TRPM3: variants seen among roughly 807,000 people sequenced by gnomAD.
TRPM3 encodes the protein transient receptor potential cation channel subfamily M member 3.
Under a neutral mutation model 181.2 loss-of-function variants are expected in TRPM3, and 77 were observed. The observed-to-expected ratio is 0.42, with a 90% CI of 0.35 to 0.51. TRPM3 has a LOEUF of 0.51. Among genes scored for constraint, TRPM3 ranks in the 20% least tolerant of loss-of-function variants. The pLI is 0.01. For synonymous variants in TRPM3, 745 were observed against 796.4 expected, an observed-to-expected ratio of 0.94 and a Z score of 1.09; for missense variants, 1,759 against 2,196.7, an observed-to-expected ratio of 0.80 and a Z score of 3.98.
At chr9:71,173,100 C>T (rs2076944218) in intron 1 of TRPM3, among the ~76,000 whole-genome samples, 1 of 152,128 alleles carries the variant, frequency 6.6e-6, no homozygotes, top group South Asian at 2.1e-4. Flanking sequence ...TCAATGATGC[C>T]TTATGTACCT....
chr9:70,636,153 C>T, intron 11 of TRPM3, among the ~76,000 whole-genome samples: 1 of 152,092 alleles, frequency 6.6e-6, no homozygotes, highest in East Asian at 1.9e-4. Context: ...AGCCATAGAT[C>T]ATATGTAACA....
At chr9:70,572,183 T>A (rs10435958) in intron 22 of TRPM3, among the ~76,000 whole-genome samples, 78,846 of 151,908 alleles carry the variant, frequency 0.52, 20,993 homozygotes, top group East Asian at 0.67. Context: ...AAATTCCTTA[T>A]GTTCAAATGT....
At chr9:71,382,136 T>C (rs535700739) in intron 1 of TRPM3, among the ~76,000 whole-genome samples, 1 of 152,280 alleles carries the variant, frequency 6.6e-6, no homozygotes, top group African/African-American at 2.4e-5. Flanking sequence ...TTTCTAGCAT[T>C]ATTAGCTATA....
chr9:71,418,615 G>A (rs1047232763), intron 1 of TRPM3, among the ~76,000 whole-genome samples: 1 of 151,462 alleles, frequency 6.6e-6, no homozygotes, highest in Non-Finnish European at 1.5e-5. Context: ...GAGCAGTCAG[G>A]AAATAATCAA....
intron 3 of TRPM3, 113 bp downstream of exon 3, chr9:70,862,795 G>C: frequency 9.6e-7 from 1 of 1,040,084 alleles, no homozygotes; most frequent in Non-Finnish European, 1.5e-6. Flanking sequence ...TCATCAGACA[G>C]TGGCAGAGTG....
In TRPM3 at chr9:70,681,712, T is replaced by TA. The variant is rs557001639; in HGVS notation, c.1273-135dup. On this transcript the variant is annotated intron_variant, in intron 8 of 25. Transcript: ENST00000677713. ...TTCTTAACCACAGGGTAAGCACACA[T>TA]AACAAGAATCCGATGAGAGAGCTCT... is the stretch of plus-strand genomic sequence containing the variant. 597 of 746,892 alleles carry TA rather than the reference T, an allele frequency of 8.0e-4. 9 individuals carry two copies. In the East Asian group the frequency reaches 0.015, roughly 18 times the overall value. 46.3% of individuals were successfully genotyped at this position (746,892 alleles called of 1,614,324 possible).
At chr9:71,296,576 A>G (rs1040203923) in intron 1 of TRPM3, among the ~76,000 whole-genome samples, 1 of 152,172 alleles carries the variant, frequency 6.6e-6, no homozygotes, top group Non-Finnish European at 1.5e-5. Flanking sequence ...GGGCCTCATG[A>G]GATTAAGGAG....
intron 8 of TRPM3, among the ~76,000 whole-genome samples, chr9:70,742,734 A>T (rs578216850): frequency 6.6e-6 from 1 of 152,340 alleles, no homozygotes; most frequent in African/African-American, 2.4e-5. Flanking sequence ...CAAATAACAC[A>T]TACATAGTAA....
intron 1 of TRPM3, among the ~76,000 whole-genome samples, chr9:71,015,067 T>C (rs2097773718): frequency 6.6e-6 from 1 of 152,182 alleles, no homozygotes; most frequent in Admixed American, 6.5e-5. Flanking sequence ...ATGCTATAAG[T>C]ATTATTCTTT....
chr9:71,320,472 G>A (rs1012691010), intron 1 of TRPM3, among the ~76,000 whole-genome samples: 1 of 152,104 alleles, frequency 6.6e-6, no homozygotes, highest in African/African-American at 2.4e-5. Context: ...GACAAGAGAA[G>A]GGAAAAATAT....
chr9:70,754,721 G>T lies in TRPM3; in HGVS notation c.1272+6880C>A, dbSNP rs2076756799. 2.6e-5 allele frequency among the ~76,000 whole-genome samples: 4 copies of T among 152,142 alleles called. 1 individual carries two copies. In the South Asian group the frequency reaches 8.3e-4, roughly 32 times the overall value. On this transcript the variant is annotated intron_variant, in intron 8 of 25. Coordinates refer to ENST00000677713, the MANE Select transcript of TRPM3 (RefSeq NM_001366145.2). ...GCCAAACTTGGCAACGGTTAGACTGGCCTCATAATATTATACCCCATATAG... is the reference window on the plus strand; with the variant it reads ...GCCAAACTTGGCAACGGTTAGACTGTCCTCATAATATTATACCCCATATAG...
chr9:70,615,111 C>T (rs1361312168), intron 18 of TRPM3, among the ~76,000 whole-genome samples: 1 of 152,208 alleles, frequency 6.6e-6, no homozygotes, highest in Non-Finnish European at 1.5e-5. Flanking sequence ...GGCCTTTTGT[C>T]ACCTGAGCAA....
chr9:71,314,111 C>T (rs1227718037), intron 1 of TRPM3, among the ~76,000 whole-genome samples: 2 of 152,054 alleles, frequency 1.3e-5, no homozygotes, highest in Non-Finnish European at 2.9e-5. Context: ...TATAATGTTG[C>T]TGGGCATTAT....
intron 11 of TRPM3, among the ~76,000 whole-genome samples, chr9:70,636,134 T>A (rs2057141938): frequency 6.6e-6 from 1 of 152,252 alleles, no homozygotes; most frequent in Non-Finnish European, 1.5e-5. Context: ...GCTGTTGTAA[T>A]GTGCAAGTAG....
chr9:71,177,932 CAA>C (rs10717759), intron 1 of TRPM3, among the ~76,000 whole-genome samples: 166 of 123,520 alleles, frequency 1.3e-3, no homozygotes, highest in Middle Eastern at 8.4e-3. Context: ...TGCTCAAAGC[CAA>C]AAAAAAAAAA....
intron 1 of TRPM3, among the ~76,000 whole-genome samples, chr9:71,037,604 T>C (rs1374355552): frequency 6.6e-6 from 1 of 152,270 alleles, no homozygotes; most frequent in Non-Finnish European, 1.5e-5. Context: ...ACTGCACTTC[T>C]TGCTTACTGC....
intron 1 of TRPM3, among the ~76,000 whole-genome samples, chr9:71,088,033 T>C (rs1323307429): frequency 6.6e-6 from 1 of 152,034 alleles, no homozygotes; most frequent in Non-Finnish European, 1.5e-5. Context: ...TGAGTCCCCA[T>C]TGTGCTTGAT....
intron 12 of TRPM3, among the ~76,000 whole-genome samples, chr9:70,628,366 C>T (rs1183580168): frequency 3.3e-5 from 5 of 152,318 alleles, no homozygotes; most frequent in African/African-American, 1.2e-4. Flanking sequence ...TTCCCTTAAG[C>T]TCTCAGATTT....
intron 6 of TRPM3, among the ~76,000 whole-genome samples, chr9:70,796,725 G>A (rs1279307838): frequency 6.6e-6 from 1 of 152,212 alleles, no homozygotes; most frequent in African/African-American, 2.4e-5. Flanking sequence ...TTTGAACAGA[G>A]CAGAGATGTC....
Sources: gnomAD v4.1 joint callset for allele counts (sites outside exome capture counted in the v4.1 genomes callset) on GRCh38, gnomAD v4.1.1 for gene constraint, MANE v1.5 for transcripts, NCBI Gene and HGNC (gene_info 2026-07-23, HGNC 2026-07-21) for gene names.